Variants in SPIDR observed in about 807,000 individuals in gnomAD.
The protein encoded by SPIDR is scaffold protein involved in DNA repair.
SPIDR carries 93 observed loss-of-function variants against 104.6 expected under a neutral mutation model. The ratio of observed to expected loss-of-function variants is 0.89; its 90% CI spans 0.75 to 1.06. The LOEUF (loss-of-function observed/expected upper bound fraction) is 1.06. SPIDR is among the 50% of genes least tolerant of loss of function. SPIDR has a pLI of 0.00. For synonymous variants in SPIDR, 431 were observed against 416.9 expected (o/e 1.03, Z -0.41); for missense variants, 1,154 against 1,111.2 (o/e 1.04, Z -0.55).
At chr8:47,423,975 A>G (rs1467554273) in intron 7 of SPIDR, among the ~76,000 whole-genome samples, 3 of 152,254 alleles carry the variant, frequency 2.0e-5, no homozygotes, top group Non-Finnish European at 2.9e-5. Context: ...TTGCATGTAT[A>G]TTAATCACAA....
intron 8 of SPIDR, among the ~76,000 whole-genome samples, chr8:47,443,161 T>C (rs561734681): frequency 2.0e-4 from 30 of 152,294 alleles, no homozygotes; most frequent in African/African-American, 7.2e-4. Flanking sequence ...ATCATTAGAC[T>C]TTGGAATGTT....
intron 8 of SPIDR, among the ~76,000 whole-genome samples, chr8:47,495,507 G>A (rs538931509): frequency 5.3e-5 from 8 of 151,950 alleles, no homozygotes; most frequent in East Asian, 1.9e-4. Flanking sequence ...TCATTACCCC[G>A]AATAGAAACC....
At chr8:47,563,142 T>C (rs1428011118) in intron 8 of SPIDR, among the ~76,000 whole-genome samples, 2 of 150,348 alleles carry the variant, frequency 1.3e-5, no homozygotes, top group Admixed American at 1.3e-4. Context: ...ACTGAGGGAG[T>C]GAGGGAGGCA....
chr8:47,477,788 G>C (rs2076448754), intron 8 of SPIDR, among the ~76,000 whole-genome samples: 1 of 152,166 alleles, frequency 6.6e-6, no homozygotes, highest in Admixed American at 6.5e-5. Flanking sequence ...AGCCATTTCA[G>C]GGTCTTGGTA....
rs2060491457 is a variant in SPIDR at position 47,588,056 on chromosome 8, T to TAAA, written c.1098-7754_1098-7753insAAA. On this transcript the variant is annotated intron_variant, in intron 8 of 19. Transcript: ENST00000297423. ...ATATATATATATATATATATATATA[T>TAAA]ATATATATATATATATATATATATA... is the stretch of plus-strand genomic sequence containing the variant. 3.7e-5 allele frequency among the ~76,000 whole-genome samples: 3 copies of TAAA among 80,196 alleles called. No individual in the cohort carries two copies. The South Asian group carries it at 1.2e-3, about 32-fold the overall frequency. The allele number at this position is 80,196 out of a possible 152,430, so 52.6% of individuals were successfully genotyped here. A position where few individuals can be genotyped will look rare whatever the true frequency, so the allele number is the denominator to read the frequency against.
intron 1 of SPIDR, among the ~76,000 whole-genome samples, chr8:47,279,599 A>G (rs2037314283): frequency 6.6e-6 from 1 of 152,080 alleles, no homozygotes; most frequent in African/African-American, 2.4e-5. Flanking sequence ...CCTTTCAGGT[A>G]CTGATACCAT....
chr8:47,289,799 T>G (rs896869826), intron 3 of SPIDR, among the ~76,000 whole-genome samples: 2 of 152,164 alleles, frequency 1.3e-5, no homozygotes, highest in African/African-American at 2.4e-5. Context: ...ACATAACATC[T>G]TATACACAGA....
intron 3 of SPIDR, 113 bp from the exon 4 acceptor site, chr8:47,290,920 A>G (rs1223458799): frequency 6.2e-6 from 4 of 644,012 alleles, no homozygotes; most frequent in Non-Finnish European, 1.1e-5. Context: ...TGCTTTTCCT[A>G]TCACAGAGTT....
At chr8:47,271,721 C>G (rs1228443954) in intron 1 of SPIDR, among the ~76,000 whole-genome samples, 23 of 152,076 alleles carry the variant, frequency 1.5e-4, no homozygotes, top group African/African-American at 5.1e-4. Flanking sequence ...TCTGGCTCCT[C>G]TCAGGGACAT....
At chr8:47,264,850 A>G (rs934601048) in intron 1 of SPIDR, among the ~76,000 whole-genome samples, 1 of 152,172 alleles carries the variant, frequency 6.6e-6, no homozygotes. Flanking sequence ...GCGATGATAT[A>G]CCGAGCATAT....
chr8:47,293,786 T>C (rs1228315796), intron 4 of SPIDR, 81 bp from the exon 5 acceptor site: 29 of 1,378,956 alleles, frequency 2.1e-5, no homozygotes, highest in Admixed American at 1.1e-4. Context: ...GACATGGATA[T>C]ATTAACTGCT....
chr8:47,354,336 C>T (rs868961971), intron 5 of SPIDR, among the ~76,000 whole-genome samples: 1 of 148,730 alleles, frequency 6.7e-6, no homozygotes, highest in South Asian at 2.1e-4. Context: ...ATTTCGTTTG[C>T]CATCTTTTTT....
chr8:47,582,033 A>C (rs2059756630), intron 8 of SPIDR, among the ~76,000 whole-genome samples: 1 of 152,194 alleles, frequency 6.6e-6, no homozygotes, highest in South Asian at 2.1e-4. Flanking sequence ...CCTGGCCAAC[A>C]TGGTGAAACC....
intron 8 of SPIDR, among the ~76,000 whole-genome samples, chr8:47,578,442 A>G (rs2059367821): frequency 6.6e-6 from 1 of 152,164 alleles, no homozygotes. Context: ...ATTGCACTCC[A>G]GCCTGGGCAG....
chr8:47,635,606 T>C (rs1331444357), intron 10 of SPIDR, among the ~76,000 whole-genome samples: 1 of 152,104 alleles, frequency 6.6e-6, no homozygotes, highest in Non-Finnish European at 1.5e-5. Flanking sequence ...TAGTCCCATC[T>C]ATCAGGAGGC....
intron 10 of SPIDR, among the ~76,000 whole-genome samples, chr8:47,622,592 C>T (rs1588492690): frequency 6.6e-6 from 1 of 152,130 alleles, no homozygotes; most frequent in Admixed American, 6.5e-5. Context: ...GAAGTAGGGG[C>T]TGGCGTCCCA....
chr8:47,326,834 CGTT>C (rs2047736589), intron 5 of SPIDR, among the ~76,000 whole-genome samples: 4 of 152,176 alleles, frequency 2.6e-5, no homozygotes, highest in Admixed American at 2.0e-4. Flanking sequence ...ATATGCCACA[CGTT>C]GTTTAGCCAT....
chr8:47,479,356 CAA>C (rs1186481801), intron 8 of SPIDR, among the ~76,000 whole-genome samples: 29 of 92,004 alleles, frequency 3.2e-4, no homozygotes, highest in Admixed American at 3.7e-4. Context: ...GAGACTCTCT[CAA>C]AAAAAAAAAA....
At chr8:47,555,438 A>C (rs1184132113) in intron 8 of SPIDR, among the ~76,000 whole-genome samples, 1 of 152,240 alleles carries the variant, frequency 6.6e-6, no homozygotes, top group Non-Finnish European at 1.5e-5. Flanking sequence ...GGGGAAATAG[A>C]CACGTTCTAC....
Sources: allele counts gnomAD v4.1 joint callset (sites outside exome capture counted in the v4.1 genomes callset), GRCh38; gene constraint gnomAD v4.1.1; transcripts MANE v1.5; gene names NCBI Gene and HGNC (gene_info 2026-07-23, HGNC 2026-07-21).